The following SLA variants were observed in gnomAD, a reference collection of about 807,000 sequenced individuals.
SLA encodes Src like adaptor, also known as src-like-adapter.
Under a neutral mutation model 30.3 loss-of-function variants are expected in SLA, and 16 were observed. The observed-to-expected ratio is 0.53, with a 90% CI of 0.36 to 0.80. The LOEUF (loss-of-function observed/expected upper bound fraction) is 0.80. SLA is among the 30% of genes least tolerant of loss of function. The pLI is 0.01. For missense variants in SLA, 310 were observed against 345.2 expected (o/e 0.90, Z 0.81); for synonymous variants, 143 against 137.8 (o/e 1.04, Z -0.26).
intron 7 of SLA, among the ~76,000 whole-genome samples, chr8:133,041,664 T>A (rs976762380): frequency 6.6e-6 from 1 of 151,898 alleles, no homozygotes; most frequent in African/African-American, 2.4e-5. Context: ...ATACTCAGGG[T>A]GAAAAATACA....
intron 2 of SLA, among the ~76,000 whole-genome samples, chr8:133,065,204 G>C (rs958301436): frequency 4.6e-5 from 7 of 152,208 alleles, no homozygotes; most frequent in African/African-American, 1.2e-4. Context: ...TGGTCAGCAA[G>C]CATCCTCTGC....
chr8:133,059,294 A>G (rs1020341292), intron 3 of SLA: 28 of 368,632 alleles, frequency 7.6e-5, no homozygotes, highest in Non-Finnish European at 1.5e-4. Flanking sequence ...CCCTTTCCCA[A>G]GACCCCACAA....
At chr8:133,038,841 C>T in intron 8 of SLA, 104 bp from the exon 9 acceptor site, 5 of 677,466 alleles carry the variant, frequency 7.4e-6, no homozygotes, top group Admixed American at 2.9e-5. Context: ...AAAAGAAAAA[C>T]AAAAATCCTG....
At chr8:133,070,029 A>AAG (rs1564149270) in intron 2 of SLA, among the ~76,000 whole-genome samples, 1 of 109,812 alleles carries the variant, frequency 9.1e-6, no homozygotes, top group Non-Finnish European at 1.7e-5. Context: ...AAAAAAAAGA[A>AAG]AGAAAGAAAG....
chr8:133,077,605 C>T lies in SLA; in HGVS notation c.-318-2475G>A, dbSNP rs144390946. On this transcript the variant is annotated intron_variant, in intron 1 of 8. Transcript: ENST00000338087. ...TTTTGGCCCTGGGCCCAACCAGAGACGGCAGGGCTGAAGCCCGATGCCACG... is the reference window on the plus strand; with the variant it reads ...TTTTGGCCCTGGGCCCAACCAGAGATGGCAGGGCTGAAGCCCGATGCCACG... Among the ~76,000 whole-genome samples, 380 of 152,336 alleles carry T rather than the reference C, an allele frequency of 2.5e-3. 1 individual carries two copies. Among genetic ancestry groups the T allele is most frequent in the African/African-American group, 8.6e-3 (359 of 41,582 alleles).
At chr8:133,042,591 C>T (rs1338750271) in intron 7 of SLA, among the ~76,000 whole-genome samples, 1 of 149,796 alleles carries the variant, frequency 6.7e-6, no homozygotes, top group Non-Finnish European at 1.5e-5. Context: ...AAGTAATTTG[C>T]CTAAAGGCAT....
chr8:133,101,094 C>T (rs1005933121), intron 1 of SLA, among the ~76,000 whole-genome samples: 5 of 151,998 alleles, frequency 3.3e-5, no homozygotes, highest in African/African-American at 4.8e-5. Flanking sequence ...GGGAGGGTGG[C>T]GGGTGGCAGG....
intron 5 of SLA, chr8:133,049,622 A>G: frequency 2.3e-6 from 1 of 428,222 alleles, no homozygotes; most frequent in East Asian, 4.7e-5. Context: ...CTCCCATAAC[A>G]TTTCCCAGCT....
intron 1 of SLA, among the ~76,000 whole-genome samples, chr8:133,081,581 A>T (rs563168539): frequency 1.8e-4 from 26 of 140,828 alleles, no homozygotes; most frequent in African/African-American, 6.7e-4. Flanking sequence ...ATTCTCAGGA[A>T]GAAGAAGAAA....
intron 1 of SLA, among the ~76,000 whole-genome samples, chr8:133,077,892 C>A (rs1257071111): frequency 6.6e-6 from 1 of 151,970 alleles, no homozygotes; most frequent in Non-Finnish European, 1.5e-5. Flanking sequence ...TCATGACAAC[C>A]AAAAATGTCC....
intron 1 of SLA, among the ~76,000 whole-genome samples, chr8:133,087,071 TAC>T (rs56028043): frequency 0.06 from 8,554 of 142,848 alleles, 387 homozygotes; most frequent in East Asian, 0.16. Context: ...AATATATGTT[TAC>T]ACACACACAC....
At chr8:133,101,584 A>G (rs1334586076) in intron 1 of SLA, among the ~76,000 whole-genome samples, 1 of 92,796 alleles carries the variant, frequency 1.1e-5, no homozygotes, top group African/African-American at 3.1e-5. Flanking sequence ...ATTGCAGTAA[A>G]TTGCCACATC....
intron 3 of SLA, among the ~76,000 whole-genome samples, chr8:133,057,315 TA>T (rs1841622961): frequency 6.6e-6 from 1 of 152,156 alleles, no homozygotes; most frequent in Non-Finnish European, 1.5e-5. Context: ...TAGGTTGTAT[TA>T]AAAAATCCTG....
intron 3 of SLA, chr8:133,059,231 T>A (rs1368150091): frequency 1.1e-5 from 5 of 438,060 alleles, no homozygotes; most frequent in Admixed American, 2.5e-5. Flanking sequence ...AATGCTACCA[T>A]GTAAGGTGGG....
At chr8:133,081,930 G>T (rs73350764) in intron 1 of SLA, among the ~76,000 whole-genome samples, 2 of 152,204 alleles carry the variant, frequency 1.3e-5, no homozygotes, top group Non-Finnish European at 2.9e-5. Flanking sequence ...CAACAGAAGC[G>T]CAGAGGAGGA....
intron 2 of SLA, chr8:133,063,808 A>C (rs1362052313): frequency 6.6e-6 from 1 of 152,230 alleles, no homozygotes; most frequent in Non-Finnish European, 1.5e-5. Flanking sequence ...GTCTTCAAGA[A>C]GGAGTTAACT....
chr8:133,099,420 G>A (rs1588094610), intron 1 of SLA, among the ~76,000 whole-genome samples: 3 of 152,268 alleles, frequency 2.0e-5, no homozygotes, highest in South Asian at 2.1e-4. Context: ...GAGTAGTGAC[G>A]GTGGGACTGG....
chr8:133,049,430 C>T (rs748809518), intron 5 of SLA: 31 of 279,090 alleles, frequency 1.1e-4, no homozygotes, highest in Non-Finnish European at 2.1e-4. Flanking sequence ...AACAACCCTA[C>T]ACTTTGATCA....
At chr8:133,058,073 G>A (rs1022336824) in intron 3 of SLA, among the ~76,000 whole-genome samples, 6 of 152,228 alleles carry the variant, frequency 3.9e-5, no homozygotes, top group Non-Finnish European at 7.3e-5. Context: ...AGCAGCCATA[G>A]GAGCTTGAGC....
Sources: allele counts gnomAD v4.1 joint callset (sites outside exome capture counted in the v4.1 genomes callset), GRCh38; gene constraint gnomAD v4.1.1; transcripts MANE v1.5; gene names NCBI Gene and HGNC (gene_info 2026-07-23, HGNC 2026-07-21).